SYN3: variants seen among roughly 807,000 people sequenced by gnomAD.
The protein encoded by SYN3 is synapsin-3.
A neutral mutation model predicts 65.8 loss-of-function variants in SYN3; 35 were observed. That is an observed-to-expected ratio of 0.53 (90% CI 0.41 to 0.70). The LOEUF (loss-of-function observed/expected upper bound fraction) is 0.70. Ranked by LOEUF, SYN3 falls within the 30% of genes least tolerant of loss-of-function variation. SYN3 has a pLI of 0.00. For missense variants in SYN3, 680 were observed against 749.0 expected (o/e 0.91, Z 1.08); for synonymous variants, 270 against 292.9 (o/e 0.92, Z 0.80).
chr22:32,899,150 C>T (rs181458125), intron 4 of SYN3, among the ~76,000 whole-genome samples: 2 of 79,666 alleles, frequency 2.5e-5, no homozygotes, highest in Middle Eastern at 7.4e-3. Context: ...GTAGATTGAC[C>T]TGATTAGGAA....
intron 7 of SYN3, among the ~76,000 whole-genome samples, chr22:32,579,091 A>G (rs979373776): frequency 1.3e-5 from 2 of 152,190 alleles, no homozygotes; most frequent in African/African-American, 4.8e-5. Flanking sequence ...TGTCTTTTTC[A>G]TCTCTGAATC....
intron 6 of SYN3, among the ~76,000 whole-genome samples, chr22:32,777,901 T>C (rs1569216422): frequency 6.6e-6 from 1 of 152,210 alleles, no homozygotes; most frequent in African/African-American, 2.4e-5. Flanking sequence ...CATGTTGTAC[T>C]AAAAAGTTTA....
chr22:32,766,543 AC>A (rs747437472), intron 6 of SYN3, among the ~76,000 whole-genome samples: 3 of 152,172 alleles, frequency 2.0e-5, no homozygotes, highest in Non-Finnish European at 4.4e-5. Context: ...GAATCTCCGC[AC>A]CCAGAAGGCC....
intron 7 of SYN3, among the ~76,000 whole-genome samples, chr22:32,578,250 TCTCC>T (rs746630313): frequency 0.038 from 5,793 of 151,662 alleles, 159 homozygotes; most frequent in Middle Eastern, 0.092. Context: ...TTTCTCTCTC[TCTCC>T]CTCTCTCTTT....
At chr22:32,804,161 A>C (rs915576674) in intron 6 of SYN3, among the ~76,000 whole-genome samples, 3 of 152,216 alleles carry the variant, frequency 2.0e-5, no homozygotes, top group African/African-American at 7.2e-5. Context: ...AAAAAAAGAA[A>C]CAAAAAATCT....
chr22:32,627,288 G>A (rs1003709288), intron 6 of SYN3, among the ~76,000 whole-genome samples: 4 of 152,078 alleles, frequency 2.6e-5, no homozygotes, highest in African/African-American at 9.7e-5. Flanking sequence ...TTCAAGGAGG[G>A]GCCAGAGTCC....
chr22:32,838,294 T>C (rs2047795481), intron 6 of SYN3, among the ~76,000 whole-genome samples: 1 of 152,050 alleles, frequency 6.6e-6, no homozygotes, highest in Non-Finnish European at 1.5e-5. Flanking sequence ...ATAAACACTA[T>C]GGCAGAGAGG....
At chr22:32,818,637 C>T (rs1420705487) in intron 6 of SYN3, among the ~76,000 whole-genome samples, 2 of 152,206 alleles carry the variant, frequency 1.3e-5, no homozygotes, top group Non-Finnish European at 2.9e-5. Context: ...GCTCCCAGGG[C>T]TGGGTGTTTG....
rs193038568 is a variant in SYN3 at position 32,648,230 on chromosome 22, T to G, written c.712-51494A>C. On this transcript the variant is annotated intron_variant, in intron 6 of 13. Coordinates refer to ENST00000358763, the MANE Select transcript of SYN3 (RefSeq NM_003490.4). ...TGCTCTTTCAACACCTCCCCAATATTAGCAAACCTCCCACTTTCCTGGAGA... is the reference window on the plus strand; with the variant it reads ...TGCTCTTTCAACACCTCCCCAATATGAGCAAACCTCCCACTTTCCTGGAGA... 3.3e-5 allele frequency among the ~76,000 whole-genome samples: 5 copies of G among 152,272 alleles called. No homozygotes were observed. The East Asian group carries it at 7.7e-4, about 23-fold the overall frequency.
Position 32,881,830 on chromosome 22 carries a change from C to T in SYN3, c.462-12705G>A, listed in dbSNP as rs185637853. On this transcript the variant is annotated intron_variant, in intron 4 of 13. Coordinates refer to ENST00000358763, the MANE Select transcript of SYN3 (RefSeq NM_003490.4). ...CAGCATTTTGGGAGGCCGAGTAGGG[C>T]AGATCACCTGAGGTCAGGAGTTCGA... Among the ~76,000 whole-genome samples, 10 of 152,230 alleles carry T rather than the reference C, an allele frequency of 6.6e-5. No homozygotes were observed. The East Asian group carries it at 1.9e-3, about 29-fold the overall frequency.
chr22:32,883,000 T>C (rs545044573), intron 4 of SYN3, among the ~76,000 whole-genome samples: 1 of 152,160 alleles, frequency 6.6e-6, no homozygotes, highest in African/African-American at 2.4e-5. Flanking sequence ...TTACTTCCCA[T>C]TTCCCCCTCC....
chr22:32,508,380 C>G lies in SYN3; in HGVS notation c.*5312G>C, dbSNP rs557127536. Among the ~76,000 whole-genome samples, 1 of 152,156 alleles carries G rather than the reference C, an allele frequency of 6.6e-6. No homozygotes were observed. The highest frequency in any genetic ancestry group is 1.5e-5 in the Non-Finnish European group (1 of 68,040). On this transcript the variant is annotated 3_prime_UTR_variant, in exon 14 of 14. Coordinates refer to ENST00000358763, the MANE Select transcript of SYN3 (RefSeq NM_003490.4). ...CCTTCCCAAATCCTATAAAACGGCC[C>G]CATCCCTACTCCCTTTGCTGACTCT...
intron 6 of SYN3, among the ~76,000 whole-genome samples, chr22:32,668,785 C>T (rs2060324750): frequency 6.6e-6 from 1 of 152,142 alleles, no homozygotes; most frequent in Non-Finnish European, 1.5e-5. Context: ...CACATTGTCC[C>T]CGTGCACTCC....
At chr22:32,807,355 A>AATATATAAATATATATT (rs1555968073) in intron 6 of SYN3, among the ~76,000 whole-genome samples, 4,920 of 19,658 alleles carry the variant, frequency 0.25, 271 homozygotes, top group East Asian at 0.34. Context: ...ATAAATATAT[A>AATATATAAATATATATT]ATATATAATA....
intron 6 of SYN3, among the ~76,000 whole-genome samples, chr22:32,628,301 T>C (rs1250291425): frequency 3.3e-5 from 5 of 152,160 alleles, no homozygotes; most frequent in Non-Finnish European, 7.3e-5. Context: ...AGCTTCCATG[T>C]AGTGCCCTCA....
At chr22:32,868,020 T>A (rs1316558619) in intron 5 of SYN3, among the ~76,000 whole-genome samples, 1 of 152,228 alleles carries the variant, frequency 6.6e-6, no homozygotes, top group African/African-American at 2.4e-5. Context: ...GCTTAAATTG[T>A]GGCCTCACCA....
At chr22:32,869,441 A>G (rs1383434047) in intron 4 of SYN3, among the ~76,000 whole-genome samples, 5 of 150,876 alleles carry the variant, frequency 3.3e-5, no homozygotes, top group Non-Finnish European at 2.9e-5. Flanking sequence ...TATCAAAGTG[A>G]ATCAACCGAG....
chr22:32,711,662 A>G (rs2060967713), intron 6 of SYN3, among the ~76,000 whole-genome samples: 2 of 152,142 alleles, frequency 1.3e-5, no homozygotes, highest in Non-Finnish European at 2.9e-5. Flanking sequence ...ACTTGCTACC[A>G]CTGGAAGAAA....
chr22:32,552,782 T>A (rs2146307915), intron 7 of SYN3, among the ~76,000 whole-genome samples: 1 of 152,356 alleles, frequency 6.6e-6, no homozygotes, highest in South Asian at 2.1e-4. Context: ...GACACTGCGA[T>A]ATGTAACAAA....
Sources: allele counts gnomAD v4.1 joint callset (sites outside exome capture counted in the v4.1 genomes callset), GRCh38; gene constraint gnomAD v4.1.1; transcripts MANE v1.5; gene names NCBI Gene and HGNC (gene_info 2026-07-23, HGNC 2026-07-21).